Variants in NSG2 observed in about 807,000 individuals in gnomAD.
NSG2 encodes the protein neuronal vesicle trafficking-associated protein 2.
Under a neutral mutation model 16.9 loss-of-function variants are expected in NSG2, and 4 were observed. The ratio of observed to expected loss-of-function variants is 0.24; its 90% CI spans 0.12 to 0.54. The LOEUF is 0.54. Ranked by LOEUF, NSG2 falls within the 20% of genes least tolerant of loss-of-function variation. NSG2 has a pLI of 0.95. For synonymous variants in NSG2, 98 were observed against 88.7 expected (o/e 1.11, Z -0.59); for missense variants, 179 against 221.1 (o/e 0.81, Z 1.21).
intron 2 of NSG2, among the ~76,000 whole-genome samples, chr5:174,063,551 T>TGCA (rs1760091260): frequency 8.6e-6 from 1 of 115,970 alleles, no homozygotes; most frequent in Non-Finnish European, 1.8e-5. Flanking sequence ...TTATTTTATT[T>TGCA]TATTTTATTT....
chr5:174,107,683 A>ATATTTCTT lies in NSG2; in HGVS notation c.*180_*187dup, dbSNP rs1415997358. 2.1e-5 allele frequency: 15 copies of ATATTTCTT among 728,636 alleles called. No homozygotes were observed. 45.1% of individuals were successfully genotyped at this position (728,636 alleles called of 1,614,324 possible). On this transcript the variant is annotated 3_prime_UTR_variant, in exon 5 of 5. Coordinates refer to ENST00000303177, the MANE Select transcript of NSG2 (RefSeq NM_015980.5). This position sits in a 1 kb window ranked among gnomAD's most constrained non-coding sequence, Gnocchi z 4.5. Reference sequence around the variant, plus strand: ...GTGTGTGCTGGAGTTGTCTGAACCGATATTTCTTTTTGTTCCTTGGTATTG... The same window carrying ATATTTCTT: ...GTGTGTGCTGGAGTTGTCTGAACCGATATTTCTTTATTTCTTTTTGTTCCTTGGTATTG...
intron 2 of NSG2, among the ~76,000 whole-genome samples, chr5:174,058,802 A>C (rs1760004529): frequency 6.6e-6 from 1 of 152,244 alleles, no homozygotes; most frequent in Admixed American, 6.5e-5. Flanking sequence ...AAGAGCTAAC[A>C]CTTCCTCGGG....
In NSG2 at chr5:174,064,262, C is replaced by T. The variant is rs543113601; in HGVS notation, c.160C>T (p.Pro54Ser). 6.2e-7 allele frequency: 1 copy of T among 1,611,490 alleles called. No homozygotes were observed. The highest frequency in any genetic ancestry group is 2.2e-5 in the East Asian group (1 of 44,866). ...VIVKTRTEYQ[P>S]EQKNKGKFRV... is the part of the protein sequence containing the mutation. ...TGTGAAGACAAGAACGGAATATCAGCCGGAACAGAAGAACAAAGGGAAGTT... is the reference window on the plus strand; with the variant it reads ...TGTGAAGACAAGAACGGAATATCAGTCGGAACAGAAGAACAAAGGGAAGTT... Residue 54 changes from proline (P) to serine (S), a missense_variant, in exon 3 of 5, where the codon CCG (proline) becomes TCG (serine). Coordinates refer to ENST00000303177, the MANE Select transcript of NSG2 (RefSeq NM_015980.5).
chr5:174,054,416 G>A (rs771812221), intron 2 of NSG2, among the ~76,000 whole-genome samples: 21 of 152,070 alleles, frequency 1.4e-4, no homozygotes, highest in Non-Finnish European at 2.4e-4. Context: ...TCTCTCTGTC[G>A]TCCTGAAGCT....
chr5:174,055,523 A>G (rs1759955149), intron 2 of NSG2, among the ~76,000 whole-genome samples: 1 of 152,128 alleles, frequency 6.6e-6, no homozygotes, highest in Non-Finnish European at 1.5e-5. Flanking sequence ...GTGTGAACCC[A>G]GGAGGTGGAG....
chr5:174,105,532 G>A (rs150856176), intron 4 of NSG2, among the ~76,000 whole-genome samples: 2 of 152,350 alleles, frequency 1.3e-5, no homozygotes, highest in Non-Finnish European at 2.9e-5. Flanking sequence ...CTACTAAGAG[G>A]TAATGAACCT....
intron 3 of NSG2, among the ~76,000 whole-genome samples, chr5:174,084,742 G>A (rs181089266): frequency 3.0e-4 from 45 of 152,304 alleles, no homozygotes; most frequent in African/African-American, 7.7e-4. Context: ...CCAGGGCTAC[G>A]GGGTCACAGT....
chr5:174,100,985 C>T (rs542345089), intron 3 of NSG2, among the ~76,000 whole-genome samples: 1 of 152,372 alleles, frequency 6.6e-6, no homozygotes, highest in Admixed American at 6.5e-5. Context: ...GGATGGGAAG[C>T]TTTCCAGCAG....
intron 2 of NSG2, among the ~76,000 whole-genome samples, chr5:174,047,875 TC>T (rs1349397678): frequency 6.6e-6 from 1 of 152,236 alleles, no homozygotes; most frequent in Non-Finnish European, 1.5e-5. Context: ...ATGATGGAGT[TC>T]CCTGGCTTAA....
At chr5:174,082,900 C>T (rs937153114) in intron 3 of NSG2, among the ~76,000 whole-genome samples, 7 of 152,208 alleles carry the variant, frequency 4.6e-5, no homozygotes, top group South Asian at 2.1e-4. Context: ...ATTTTAAAAA[C>T]GCCAATGGAA....
At chr5:174,099,876 T>C (rs1023123195) in intron 3 of NSG2, among the ~76,000 whole-genome samples, 3 of 152,288 alleles carry the variant, frequency 2.0e-5, no homozygotes, top group Admixed American at 2.0e-4. Context: ...GCCTCAGTCA[T>C]GGTGTCACCT....
chr5:174,047,410 G>A (rs1759817242), intron 2 of NSG2, among the ~76,000 whole-genome samples: 1 of 152,218 alleles, frequency 6.6e-6, no homozygotes, highest in Non-Finnish European at 1.5e-5. Flanking sequence ...AAGATTGTGA[G>A]GGTGCACAGG....
At chr5:174,067,434 C>T (rs1760161423) in intron 3 of NSG2, among the ~76,000 whole-genome samples, 1 of 152,100 alleles carries the variant, frequency 6.6e-6, no homozygotes, top group Non-Finnish European at 1.5e-5. Flanking sequence ...GGTCAGGGAC[C>T]AGGGCCTGTA....
chr5:174,083,829 C>G (rs1341273639), intron 3 of NSG2, among the ~76,000 whole-genome samples: 1 of 152,170 alleles, frequency 6.6e-6, no homozygotes, highest in African/African-American at 2.4e-5. Context: ...TGTCTACTTC[C>G]TTGACCTGCA....
intron 2 of NSG2, among the ~76,000 whole-genome samples, chr5:174,050,746 G>T (rs1759875790): frequency 6.6e-6 from 1 of 152,124 alleles, no homozygotes; most frequent in African/African-American, 2.4e-5. Context: ...CCCCCAGACA[G>T]AACACCAGAG....
At chr5:174,083,002 G>T (rs1424908556) in intron 3 of NSG2, among the ~76,000 whole-genome samples, 1 of 152,120 alleles carries the variant, frequency 6.6e-6, no homozygotes, top group Non-Finnish European at 1.5e-5. Context: ...CCTTCCTCAG[G>T]CTTCCTCTGC....
intron 2 of NSG2, among the ~76,000 whole-genome samples, chr5:174,063,677 A>C (rs1018296671): frequency 6.6e-6 from 1 of 151,956 alleles, no homozygotes; most frequent in African/African-American, 2.4e-5. Context: ...CATCATGGAG[A>C]ATGGGGTATT....
intron 3 of NSG2, among the ~76,000 whole-genome samples, chr5:174,077,890 CA>C (rs1760374972): frequency 6.6e-6 from 1 of 152,120 alleles, no homozygotes; most frequent in African/African-American, 2.4e-5. Flanking sequence ...GAATAACATA[CA>C]AATGCACAAC....
intron 3 of NSG2, among the ~76,000 whole-genome samples, chr5:174,095,429 G>T (rs1303805896): frequency 1.3e-5 from 2 of 152,136 alleles, no homozygotes; most frequent in African/African-American, 4.8e-5. Context: ...CTTTGGGCTT[G>T]TGGTGAGCGC....
Sources: allele counts gnomAD v4.1 joint callset (sites outside exome capture counted in the v4.1 genomes callset), GRCh38; gene constraint gnomAD v4.1.1; non-coding constraint Gnocchi (gnomAD v3.1); transcripts MANE v1.5; gene names NCBI Gene and HGNC (gene_info 2026-07-23, HGNC 2026-07-21).